ITGB8: variants seen among roughly 807,000 people sequenced by gnomAD.
ITGB8 encodes integrin beta-8.
Under a neutral mutation model 89.5 loss-of-function variants are expected in ITGB8, and 30 were observed. The observed-to-expected ratio is 0.34, with a 90% CI of 0.25 to 0.45. The LOEUF (loss-of-function observed/expected upper bound fraction) is 0.45, where lower values mean the gene tolerates loss of function less well. ITGB8 is among the 20% of genes least tolerant of loss of function. The pLI is 1.00. For synonymous variants in ITGB8, 335 were observed against 320.4 expected (o/e 1.05, Z -0.49); for missense variants, 836 against 933.3 (o/e 0.90, Z 1.36).
chr7:20,409,829 C>A (rs1583551093), intron 13 of ITGB8, 46 bp from the exon 14 acceptor site: 5 of 1,607,084 alleles, frequency 3.1e-6, no homozygotes, highest in Non-Finnish European at 2.6e-6. Context: ...TGCCTAGTTA[C>A]AATATTTAGG....
In ITGB8 at chr7:20,412,505, A is replaced by T. The variant is rs571257538; in HGVS notation, c.*2508A>T. On this transcript the variant is annotated 3_prime_UTR_variant, in exon 14 of 14. Transcript: ENST00000222573. Reference sequence around the variant, plus strand: ...CGTATGGAATGAATTATCCAAAAAGAGTATAACAAAATGAAATCCTTAAAA... The same window carrying T: ...CGTATGGAATGAATTATCCAAAAAGTGTATAACAAAATGAAATCCTTAAAA... The T allele has an allele frequency of 3.9e-5, 6 of 152,734 alleles. No homozygotes were observed. The South Asian group carries it at 1.0e-3, about 26-fold the overall frequency. The allele number at this position is 152,734 out of a possible 1,614,324, so 9.5% of individuals were successfully genotyped here.
intron 1 of ITGB8, among the ~76,000 whole-genome samples, chr7:20,342,263 C>T (rs1420793577): frequency 6.6e-6 from 1 of 152,154 alleles, no homozygotes; most frequent in Non-Finnish European, 1.5e-5. Flanking sequence ...ACTTGAGGAT[C>T]TTTGTTAGGG....
At chr7:20,342,433 G>A (rs1421355510) in intron 1 of ITGB8, among the ~76,000 whole-genome samples, 5 of 152,164 alleles carry the variant, frequency 3.3e-5, no homozygotes, top group African/African-American at 7.2e-5. Flanking sequence ...CCTTAAAAGT[G>A]CAAACTCACC....
At chr7:20,352,609 C>T (rs2128132160) in intron 1 of ITGB8, 1 of 152,308 alleles carries the variant, frequency 6.6e-6, no homozygotes, top group Non-Finnish European at 1.5e-5. Flanking sequence ...TTTCGCCTAT[C>T]CTTCAAAACC....
intron 8 of ITGB8, among the ~76,000 whole-genome samples, chr7:20,398,344 C>G (rs868297854): frequency 7.3e-4 from 111 of 152,232 alleles, no homozygotes; most frequent in African/African-American, 2.6e-3. Flanking sequence ...TAGAAATGGC[C>G]TCCCTAAAAT....
At chr7:20,346,406 C>G (rs1305151249) in intron 1 of ITGB8, among the ~76,000 whole-genome samples, 1 of 152,106 alleles carries the variant, frequency 6.6e-6, no homozygotes, top group African/African-American at 2.4e-5. Flanking sequence ...CTGTGCAGAG[C>G]CTTCTAGGGA....
intron 5 of ITGB8, 124 bp downstream of exon 5, chr7:20,380,955 C>T: frequency 1.3e-6 from 1 of 768,874 alleles, no homozygotes; most frequent in Non-Finnish European, 2.1e-6. Context: ...ATCTTACTAT[C>T]TCTTACTCCT....
intron 6 of ITGB8, 99 bp downstream of exon 6, chr7:20,381,984 A>C: frequency 1.0e-6 from 1 of 986,186 alleles, no homozygotes; most frequent in Non-Finnish European, 1.5e-6. Flanking sequence ...AATTACCTAC[A>C]AAAGAAAGAT....
At chr7:20,374,376 C>T (rs1173751541) in intron 3 of ITGB8, among the ~76,000 whole-genome samples, 1 of 151,318 alleles carries the variant, frequency 6.6e-6, no homozygotes, top group Non-Finnish European at 1.5e-5. Context: ...CCTAGTGTTG[C>T]TTAGAATCTA....
At chr7:20,343,609 A>G (rs1784832951) in intron 1 of ITGB8, among the ~76,000 whole-genome samples, 1 of 152,230 alleles carries the variant, frequency 6.6e-6, no homozygotes, top group Admixed American at 6.5e-5. Context: ...GAAGCCATCA[A>G]AATTATTACA....
intron 1 of ITGB8, 128 bp downstream of exon 1, chr7:20,332,061 T>C (rs947034688): frequency 3.3e-5 from 48 of 1,463,390 alleles, no homozygotes; most frequent in African/African-American, 8.5e-5. Context: ...AGGGGGCGGG[T>C]GCGGGGCAGC....
At chr7:20,383,032 C>G (rs1416406820) in intron 6 of ITGB8, among the ~76,000 whole-genome samples, 2 of 152,190 alleles carry the variant, frequency 1.3e-5, no homozygotes, top group Non-Finnish European at 2.9e-5. Context: ...TCCTGCCACC[C>G]TTGGGAGTGT....
chr7:20,366,727 T>G, intron 2 of ITGB8: 1 of 278,852 alleles, frequency 3.6e-6, no homozygotes, highest in South Asian at 4.9e-5. Context: ...ATCGTGCCAC[T>G]GCACTCCAGC....
chr7:20,399,521 G>A (rs1307431466), intron 9 of ITGB8, among the ~76,000 whole-genome samples: 6 of 147,522 alleles, frequency 4.1e-5, no homozygotes, highest in Admixed American at 2.7e-4. Context: ...AGGAGGTAGG[G>A]AAATTTATTA....
At chr7:20,361,258 A>G (rs1422443546) in intron 1 of ITGB8, among the ~76,000 whole-genome samples, 2 of 152,216 alleles carry the variant, frequency 1.3e-5, no homozygotes, top group Non-Finnish European at 2.9e-5. Flanking sequence ...GTCAAGTCTG[A>G]ACTGAAATAG....
intron 1 of ITGB8, among the ~76,000 whole-genome samples, chr7:20,335,938 TC>T (rs1159240367): frequency 4.6e-5 from 7 of 151,642 alleles, no homozygotes; most frequent in Non-Finnish European, 1.0e-4. Context: ...TTTCTTAACC[TC>T]TAAATGTAGT....
At chr7:20,380,387 T>C (rs1416111465) in intron 4 of ITGB8, 1 of 304,658 alleles carries the variant, frequency 3.3e-6, no homozygotes, top group African/African-American at 2.2e-5. Context: ...GCAGATTAAA[T>C]ATTGAAAGCC....
intron 8 of ITGB8, among the ~76,000 whole-genome samples, chr7:20,398,001 T>C (rs559802303): frequency 3.9e-5 from 6 of 151,966 alleles, no homozygotes; most frequent in Non-Finnish European, 8.8e-5. Flanking sequence ...TTGCATGTGG[T>C]AGACTCTTAG....
intron 1 of ITGB8, among the ~76,000 whole-genome samples, chr7:20,355,917 C>A (rs1583483775): frequency 1.3e-5 from 2 of 152,202 alleles, no homozygotes. Context: ...AGTTTTTCCA[C>A]AGATGTGTTA....
Sources: allele counts gnomAD v4.1 joint callset (sites outside exome capture counted in the v4.1 genomes callset), GRCh38; gene constraint gnomAD v4.1.1; transcripts MANE v1.5; gene names NCBI Gene and HGNC (gene_info 2026-07-23, HGNC 2026-07-21).